The following RSPH9 variants were observed in gnomAD, a reference collection of about 807,000 sequenced individuals.
RSPH9 encodes the protein radial spoke head component 9.
In RSPH9, 27 loss-of-function variants were observed where a neutral mutation model predicts 27.0. That is an observed-to-expected ratio of 1.00 (90% confidence interval 0.74 to 1.38). RSPH9 has a LOEUF of 1.38. Among genes scored for constraint, RSPH9 ranks in the 40% most tolerant of loss-of-function variants. The pLI is 0.00. For missense variants in RSPH9, 347 were observed against 357.4 expected (o/e 0.97, Z 0.24); for synonymous variants, 145 against 147.7 (o/e 0.98, Z 0.13).
intron 1 of RSPH9, among the ~76,000 whole-genome samples, 157 bp downstream of exon 1, chr6:43,645,482 G>A (rs1404511887): frequency 6.6e-6 from 1 of 152,186 alleles, no homozygotes; most frequent in Non-Finnish European, 1.5e-5. Flanking sequence ...CCTGGGGGGC[G>A]GGCCTGGGGA....
intron 4 of RSPH9, among the ~76,000 whole-genome samples, chr6:43,667,683 C>T (rs947928866): frequency 3.3e-5 from 5 of 151,820 alleles, no homozygotes; most frequent in African/African-American, 1.2e-4. Flanking sequence ...AGGTTTCTCC[C>T]TCCTCCTCCT....
At chr6:43,655,256 C>T (rs1771881102) in intron 2 of RSPH9, among the ~76,000 whole-genome samples, 1 of 152,114 alleles carries the variant, frequency 6.6e-6, no homozygotes, top group Non-Finnish European at 1.5e-5. Context: ...ACATGAGAAA[C>T]CTTCAATGGT....
At chr6:43,657,556 G>C (rs1315671156) in intron 4 of RSPH9, among the ~76,000 whole-genome samples, 1 of 152,232 alleles carries the variant, frequency 6.6e-6, no homozygotes, top group Non-Finnish European at 1.5e-5. Context: ...GTAAACAATA[G>C]TTTAAATGAC....
At chr6:43,656,848 G>C in intron 4 of RSPH9, 125 bp downstream of exon 4, 2 of 1,064,716 alleles carry the variant, frequency 1.9e-6, no homozygotes, top group Non-Finnish European at 2.9e-6. Context: ...TTCACCATGG[G>C]TTTTTGAGGG....
intron 3 of RSPH9, among the ~76,000 whole-genome samples, chr6:43,656,005 C>A (rs1276425329): frequency 7.7e-6 from 1 of 130,012 alleles, no homozygotes; most frequent in East Asian, 2.2e-4. Flanking sequence ...TCCTTCCTTC[C>A]TTCCTTCCTT....
At chr6:43,646,443 A>AT (rs1383066231) in intron 1 of RSPH9, among the ~76,000 whole-genome samples, 1 of 150,504 alleles carries the variant, frequency 6.6e-6, no homozygotes, top group Admixed American at 6.6e-5. Context: ...TTTATTTATT[A>AT]TTTTTGTAAT....
At chr6:43,651,844 C>T (rs1209980227) in intron 2 of RSPH9, among the ~76,000 whole-genome samples, 2 of 152,106 alleles carry the variant, frequency 1.3e-5, no homozygotes, top group East Asian at 1.9e-4. Context: ...CCACCGCACA[C>T]AGTCTGACGT....
intron 2 of RSPH9, among the ~76,000 whole-genome samples, chr6:43,653,795 T>A (rs1000151931): frequency 1.3e-5 from 2 of 152,046 alleles, no homozygotes; most frequent in Non-Finnish European, 1.5e-5. Flanking sequence ...CGGATTCAAG[T>A]GATTCTCCTG....
intron 4 of RSPH9, among the ~76,000 whole-genome samples, chr6:43,659,202 G>A (rs57409464): frequency 0.19 from 28,447 of 151,122 alleles, 6,251 homozygotes; most frequent in African/African-American, 0.54. Context: ...CACCACATCC[G>A]CAGTTACTTC....
intron 1 of RSPH9, among the ~76,000 whole-genome samples, chr6:43,648,269 C>CA (rs780680876): frequency 0.025 from 3,187 of 124,982 alleles, 95 homozygotes; most frequent in African/African-American, 0.08. Flanking sequence ...AACTCTGTCT[C>CA]AAAAAAAAAA....
At chr6:43,666,118 G>GCCCA (rs1773109969) in intron 4 of RSPH9, among the ~76,000 whole-genome samples, 2 of 152,210 alleles carry the variant, frequency 1.3e-5, no homozygotes, top group Admixed American at 6.5e-5. Flanking sequence ...AAGCCACCGT[G>GCCCA]CCCAGCCTAG....
intron 2 of RSPH9, among the ~76,000 whole-genome samples, chr6:43,650,905 TAAA>T (rs57197298): frequency 3.0e-5 from 3 of 99,914 alleles, no homozygotes; most frequent in Admixed American, 1.1e-4. Context: ...ACCCTGTCTA[TAAA>T]AAAAAAAAAA....
chr6:43,650,373 A>G lies in RSPH9; in HGVS notation c.228-2A>G. 1 of 1,613,030 alleles carries G rather than the reference A, an allele frequency of 6.2e-7. No individual in the cohort carries two copies. Among genetic ancestry groups the G allele is most frequent in the Non-Finnish European group, 8.5e-7 (1 of 1,180,022 alleles). On this transcript the variant is annotated splice_acceptor_variant, in intron 1 of 4. Transcript: ENST00000372163. LOFTEE classifies it high-confidence loss of function. Reference sequence around the variant, plus strand: ...CAGGGGTGATGTGAATATTGTTGGCAGCCTGAACTGCACAGAGTGGAGCCT... The same window carrying G: ...CAGGGGTGATGTGAATATTGTTGGCGGCCTGAACTGCACAGAGTGGAGCCT...
intron 4 of RSPH9, among the ~76,000 whole-genome samples, chr6:43,660,455 T>TTTTA (rs1047515046): frequency 1.1e-3 from 169 of 152,004 alleles, no homozygotes; most frequent in Middle Eastern, 6.8e-3. Flanking sequence ...GCATATTCTT[T>TTTTA]TTTATTTATT....
intron 1 of RSPH9, among the ~76,000 whole-genome samples, chr6:43,648,137 T>C (rs1177624651): frequency 6.6e-6 from 1 of 152,030 alleles, no homozygotes; most frequent in Non-Finnish European, 1.5e-5. Flanking sequence ...GGTGTGGTGT[T>C]GCAAGCCTGT....
At chr6:43,666,355 C>A in intron 4 of RSPH9, 1 of 1,250,490 alleles carries the variant, frequency 8.0e-7, no homozygotes, top group Non-Finnish European at 1.1e-6. Context: ...CCTGGGACAC[C>A]AGGACTGGCT....
Position 43,671,846 on chromosome 6 carries a change from C to G in RSPH9, c.*897C>G. The G allele has an allele frequency of 6.2e-7, 1 of 1,614,116 alleles. No individual in the cohort carries two copies. The highest frequency in any genetic ancestry group is 8.5e-7 in the Non-Finnish European group (1 of 1,180,002). ...ACCCCACGGGCATGCGCACCCTGTT[C>G]CAGCGGGGGCCTTTTTTGTAGATGG... On this transcript the variant is annotated 3_prime_UTR_variant, in exon 5 of 5. Transcript: ENST00000372163.
chr6:43,670,985 T>G lies in RSPH9; in HGVS notation c.*36T>G. 6.2e-7 allele frequency: 1 copy of G among 1,613,414 alleles called. No individual in the cohort carries two copies. The highest frequency in any genetic ancestry group is 8.5e-7 in the Non-Finnish European group (1 of 1,179,660). On this transcript the variant is annotated 3_prime_UTR_variant, in exon 5 of 5. Coordinates refer to ENST00000372163, the MANE Select transcript of RSPH9 (RefSeq NM_152732.5). ...AGCCTGGATGTTTTTAAACAGAGTC[T>G]AAACATGATTTTCTTAAGCTTCAGT...
intron 4 of RSPH9, among the ~76,000 whole-genome samples, chr6:43,659,688 C>T (rs564236553): frequency 8.0e-5 from 12 of 149,854 alleles, no homozygotes; most frequent in Admixed American, 3.3e-4. Context: ...GGCCCATGTT[C>T]GGCTAATTTT....
Sources: allele counts gnomAD v4.1 joint callset (sites outside exome capture counted in the v4.1 genomes callset), GRCh38; gene constraint gnomAD v4.1.1; transcripts MANE v1.5; gene names NCBI Gene and HGNC (gene_info 2026-07-23, HGNC 2026-07-21).